Variants in CFAP299 observed in about 807,000 individuals in gnomAD.
CFAP299 encodes the protein cilia and flagella associated protein 299, also known as cilia- and flagella-associated protein 299.
CFAP299 carries 21 observed loss-of-function variants against 27.0 expected under a neutral mutation model. That is an observed-to-expected ratio of 0.78 (90% CI 0.55 to 1.12). The LOEUF (loss-of-function observed/expected upper bound fraction) is 1.12. Among genes scored for constraint, CFAP299 ranks in the 50% most tolerant of loss-of-function variants. CFAP299 has a pLI of 0.00. For missense variants in CFAP299, 310 were observed against 276.6 expected, an observed-to-expected ratio of 1.12 and a Z score of -0.86; for synonymous variants, 104 against 98.1, an observed-to-expected ratio of 1.06 and a Z score of -0.36.
chr4:80,469,725 G>A (rs898246101), intron 2 of CFAP299, among the ~76,000 whole-genome samples: 1 of 151,970 alleles, frequency 6.6e-6, no homozygotes, highest in Non-Finnish European at 1.5e-5. Context: ...TTATTAATGA[G>A]AATTATAATT....
intron 3 of CFAP299, among the ~76,000 whole-genome samples, chr4:80,656,769 C>T (rs1035039037): frequency 2.6e-5 from 4 of 152,022 alleles, no homozygotes; most frequent in African/African-American, 9.7e-5. Flanking sequence ...TCAAATGGTA[C>T]TTCTGGCTCT....
At chr4:80,598,963 G>A (rs1737193037) in intron 3 of CFAP299, among the ~76,000 whole-genome samples, 1 of 152,128 alleles carries the variant, frequency 6.6e-6, no homozygotes, top group African/African-American at 2.4e-5. Context: ...TCACCTCTGT[G>A]AAAAGGAATA....
chr4:80,665,533 A>G (rs1234596212), intron 3 of CFAP299, among the ~76,000 whole-genome samples: 1 of 152,124 alleles, frequency 6.6e-6, no homozygotes, highest in Non-Finnish European at 1.5e-5. Flanking sequence ...ATTTTTCAAA[A>G]TTATTCATTC....
chr4:80,891,776 ATT>A (rs1734295439), intron 4 of CFAP299, among the ~76,000 whole-genome samples: 1 of 100,448 alleles, frequency 1.0e-5, no homozygotes. Context: ...AAAAAAAAAA[ATT>A]AAAAAAAAAA....
At chr4:80,610,219 G>A (rs550973485) in intron 3 of CFAP299, among the ~76,000 whole-genome samples, 1 of 152,122 alleles carries the variant, frequency 6.6e-6, no homozygotes, top group South Asian at 2.1e-4. Context: ...TGACACTAGT[G>A]AAGTGTGGAC....
chr4:80,665,612 G>C (rs992692492), intron 3 of CFAP299, among the ~76,000 whole-genome samples: 2 of 152,042 alleles, frequency 1.3e-5, no homozygotes, highest in Non-Finnish European at 2.9e-5. Flanking sequence ...AGTCTAACTT[G>C]AGATATTTTC....
intron 3 of CFAP299, among the ~76,000 whole-genome samples, chr4:80,712,615 A>T (rs995713222): frequency 2.6e-4 from 39 of 152,188 alleles, no homozygotes; most frequent in African/African-American, 9.4e-4. Flanking sequence ...TACTAAGCTG[A>T]GTAAACTCTT....
intron 3 of CFAP299, among the ~76,000 whole-genome samples, chr4:80,605,013 T>C (rs1737580981): frequency 1.3e-5 from 2 of 152,284 alleles, no homozygotes; most frequent in African/African-American, 2.4e-5. Context: ...TTATTTTACA[T>C]TGGCAAGATG....
intron 2 of CFAP299, among the ~76,000 whole-genome samples, chr4:80,470,529 A>G (rs1729943056): frequency 1.3e-5 from 2 of 152,172 alleles, no homozygotes; most frequent in African/African-American, 2.4e-5. Context: ...TATTTTATGT[A>G]TCCATTACTG....
At chr4:80,808,191 C>T (rs1340095215) in intron 3 of CFAP299, among the ~76,000 whole-genome samples, 1 of 151,876 alleles carries the variant, frequency 6.6e-6, no homozygotes, top group African/African-American at 2.4e-5. Context: ...CAAGTTAAAC[C>T]AGTTAATTTG....
chr4:80,956,289 A>G (rs1201980981), intron 5 of CFAP299, among the ~76,000 whole-genome samples: 1 of 152,080 alleles, frequency 6.6e-6, no homozygotes, highest in Admixed American at 6.6e-5. Flanking sequence ...AAAATTTCCC[A>G]TTTCCCATGC....
chr4:80,677,628 G>A (rs1031383728), intron 3 of CFAP299, among the ~76,000 whole-genome samples: 11 of 151,688 alleles, frequency 7.3e-5, no homozygotes, highest in African/African-American at 2.7e-4. Context: ...TTCAAGAATT[G>A]GCATTGACGG....
chr4:80,346,716 A>T (rs1392962078), intron 1 of CFAP299, among the ~76,000 whole-genome samples: 1 of 152,140 alleles, frequency 6.6e-6, no homozygotes, highest in Non-Finnish European at 1.5e-5. Context: ...TGATGCCTCC[A>T]GCTTTGTTCT....
At chr4:80,814,004 A>T (rs1429480404) in intron 3 of CFAP299, among the ~76,000 whole-genome samples, 2 of 152,056 alleles carry the variant, frequency 1.3e-5, no homozygotes, top group Middle Eastern at 3.2e-3. Flanking sequence ...TTAAAGAGTT[A>T]ACGTATATTA....
At chr4:80,684,152 A>G (rs541827015) in intron 3 of CFAP299, among the ~76,000 whole-genome samples, 1 of 152,292 alleles carries the variant, frequency 6.6e-6, no homozygotes, top group East Asian at 1.9e-4. Flanking sequence ...CTGTTATACA[A>G]TAATTAATTG....
intron 4 of CFAP299, among the ~76,000 whole-genome samples, chr4:80,933,011 T>C (rs953423165): frequency 6.6e-6 from 1 of 152,176 alleles, no homozygotes; most frequent in Admixed American, 6.6e-5. Context: ...ATTAAAAAAT[T>C]ACATATATTT....
rs150298800 is a variant in CFAP299 at position 80,720,544 on chromosome 4, T to C, written c.333+137361T>C. 3.8e-3 allele frequency among the ~76,000 whole-genome samples: 577 copies of C among 152,252 alleles called. 3 individuals are homozygous for C. Among genetic ancestry groups the C allele is most frequent in the African/African-American group, 0.013 (550 of 41,570 alleles). ...GGATTGGTTATAAGTAATCTTACCA[T>C]GTCCAAGAATAAAGCTCTTTTAAGC... is the stretch of plus-strand genomic sequence containing the variant. On this transcript the variant is annotated intron_variant, in intron 3 of 5. Coordinates refer to ENST00000358105, the MANE Select transcript of CFAP299 (RefSeq NM_152770.3).
intron 2 of CFAP299, among the ~76,000 whole-genome samples, chr4:80,490,896 G>T (rs969120147): frequency 8.0e-5 from 12 of 150,782 alleles, no homozygotes; most frequent in African/African-American, 2.9e-4. Flanking sequence ...TATAAATTTT[G>T]ATTTCTACAG....
intron 2 of CFAP299, among the ~76,000 whole-genome samples, chr4:80,374,403 A>T (rs1042226395): frequency 4.6e-5 from 7 of 152,114 alleles, no homozygotes; most frequent in Non-Finnish European, 7.4e-5. Flanking sequence ...AACTGGGGAT[A>T]TCTCCTGAGG....
Sources: gnomAD v4.1 joint callset for allele counts (sites outside exome capture counted in the v4.1 genomes callset) on GRCh38, gnomAD v4.1.1 for gene constraint, MANE v1.5 for transcripts, NCBI Gene and HGNC (gene_info 2026-07-23, HGNC 2026-07-21) for gene names.